Variants in FAM83F observed in about 807,000 individuals in gnomAD.
The protein encoded by FAM83F is scaffolding CK1 anchoring protein F, also known as protein FAM83F.
In FAM83F, 45 loss-of-function variants were observed where a neutral mutation model predicts 42.9. The ratio of observed to expected loss-of-function variants is 1.05; its 90% CI spans 0.83 to 1.35. The LOEUF (loss-of-function observed/expected upper bound fraction) is 1.35. Ranked by LOEUF, FAM83F falls within the 40% of genes most tolerant of loss-of-function variation. The probability of loss-of-function intolerance (pLI) is 0.00; values close to 1 mark genes in which losing one functional copy is unlikely to be tolerated. For synonymous variants in FAM83F, 306 were observed against 298.3 expected (o/e 1.03, Z -0.27); for missense variants, 617 against 695.9 (o/e 0.89, Z 1.28).
intron 1 of FAM83F, among the ~76,000 whole-genome samples, chr22:40,001,925 A>G (rs988151791): frequency 3.3e-5 from 5 of 152,086 alleles, no homozygotes; most frequent in African/African-American, 1.2e-4. Flanking sequence ...TCCACCTTTG[A>G]GCGAGACAGG....
chr22:40,002,871 C>T (rs762018135), intron 1 of FAM83F, among the ~76,000 whole-genome samples: 2 of 152,160 alleles, frequency 1.3e-5, no homozygotes, highest in African/African-American at 2.4e-5. Flanking sequence ...CATTTCGTTT[C>T]GTTAATCCAA....
intron 4 of FAM83F, among the ~76,000 whole-genome samples, chr22:40,024,667 C>T (rs1194136964): frequency 6.6e-6 from 1 of 152,110 alleles, no homozygotes. Context: ...TGAGGGTTTC[C>T]GAGGTCCCCT....
intron 4 of FAM83F, among the ~76,000 whole-genome samples, chr22:40,026,243 C>T (rs963279692): frequency 5.3e-5 from 8 of 152,090 alleles, no homozygotes; most frequent in South Asian, 2.1e-4. Context: ...TGTTTGGGCC[C>T]GGCGTGGTGG....
intron 1 of FAM83F, among the ~76,000 whole-genome samples, chr22:40,009,189 G>C (rs1447662952): frequency 3.3e-5 from 5 of 152,164 alleles, no homozygotes; most frequent in Admixed American, 1.3e-4. Flanking sequence ...GCGCACATGG[G>C]TAGGTAATCA....
At chr22:40,013,955 G>T (rs1214642762) in intron 1 of FAM83F, among the ~76,000 whole-genome samples, 2 of 151,452 alleles carry the variant, frequency 1.3e-5, no homozygotes, top group South Asian at 4.2e-4. Context: ...ATTATTGCTG[G>T]AATAGAAGAA....
intron 1 of FAM83F, among the ~76,000 whole-genome samples, chr22:40,018,579 C>T (rs1218494013): frequency 1.3e-5 from 2 of 151,660 alleles, no homozygotes; most frequent in East Asian, 3.9e-4. Flanking sequence ...GCTGGCATTA[C>T]AGGTGCCTGC....
chr22:40,008,364 TGAGGA>T (rs893176773), intron 1 of FAM83F, among the ~76,000 whole-genome samples: 17 of 152,296 alleles, frequency 1.1e-4, no homozygotes, highest in African/African-American at 4.1e-4. Context: ...GCTCCATCAC[TGAGGA>T]GAGAAGAGGG....
chr22:40,013,082 CAAAAAAAAAAAAA>C (rs754625979), intron 1 of FAM83F, among the ~76,000 whole-genome samples: 6 of 46,394 alleles, frequency 1.3e-4, no homozygotes, highest in East Asian at 7.9e-4. Context: ...GACTCCGTTT[CAAAAAAAAAAAAA>C]AAAAAAAAAA....
At chr22:40,003,613 A>G (rs992897733) in intron 1 of FAM83F, among the ~76,000 whole-genome samples, 1 of 151,658 alleles carries the variant, frequency 6.6e-6, no homozygotes, top group African/African-American at 2.4e-5. Context: ...CCCCACCCCC[A>G]CACACCATGC....
rs1435856959 is a variant in FAM83F at position 39,995,583 on chromosome 22, TGGACCGGGCCC to T, written c.489+53_489+63del. 1.4e-6 allele frequency: 2 copies of T among 1,478,930 alleles called. No homozygotes were observed. Among genetic ancestry groups the T allele is most frequent in the Admixed American group, 4.6e-5 (2 of 43,510 alleles). 91.6% of individuals were successfully genotyped at this position (1,478,930 alleles called of 1,614,324 possible). The stretch of plus-strand genomic sequence containing the variant: ...CGCTGGGACCTCGGCCCCAGTCCCC[TGGACCGGGCCC>T]CACCTCCCAGGCAGGGCCCGGGGCA... On this transcript the variant is annotated intron_variant, in intron 1 of 4. Coordinates refer to ENST00000333407, the MANE Select transcript of FAM83F (RefSeq NM_138435.4). This position sits in a 1 kb window ranked among gnomAD's most constrained non-coding sequence, Gnocchi z 4.6.
intron 1 of FAM83F, among the ~76,000 whole-genome samples, chr22:40,005,357 A>G (rs1375950248): frequency 6.6e-6 from 1 of 152,220 alleles, no homozygotes; most frequent in African/African-American, 2.4e-5. Context: ...GTTTGGCTTT[A>G]AGCTAATGTT....
intron 1 of FAM83F, among the ~76,000 whole-genome samples, chr22:40,010,319 A>G (rs1172894203): frequency 6.6e-6 from 1 of 152,152 alleles, no homozygotes; most frequent in Non-Finnish European, 1.5e-5. Flanking sequence ...GAGACTGGGG[A>G]GCTGGTTCCC....
chr22:39,995,678 G>A lies in FAM83F; in HGVS notation c.489+147G>A. 2 of 1,322,782 alleles carry A rather than the reference G, an allele frequency of 1.5e-6. No individual in the cohort carries two copies. The highest frequency in any genetic ancestry group is 2.0e-6 in the Non-Finnish European group (2 of 996,926). The allele number at this position is 1,322,782 out of a possible 1,614,324, so 81.9% of individuals were successfully genotyped here. A position where few individuals can be genotyped will look rare whatever the true frequency, so the allele number is the denominator to read the frequency against. ...CAACCCGCCCCTACTTCCTGGGGCT[G>A]CAGTGAGGCCTGTAGAGCGAATGGC... is the stretch of plus-strand genomic sequence containing the variant. On this transcript the variant is annotated intron_variant, in intron 1 of 4. Coordinates refer to ENST00000333407, the MANE Select transcript of FAM83F (RefSeq NM_138435.4). The surrounding 1 kb of genome is among the most constrained non-coding windows in gnomAD (Gnocchi z 4.6).
chr22:40,020,684 A>C (rs2067514820), intron 3 of FAM83F, among the ~76,000 whole-genome samples: 1 of 152,160 alleles, frequency 6.6e-6, no homozygotes, highest in South Asian at 2.1e-4. Context: ...ATAATTTAGC[A>C]GGAACACGAG....
At chr22:40,026,553 C>G (rs769147672) in intron 4 of FAM83F, among the ~76,000 whole-genome samples, 2 of 152,040 alleles carry the variant, frequency 1.3e-5, no homozygotes, top group Non-Finnish European at 1.5e-5. Context: ...AAAAACTGTT[C>G]GGAAGAACCA....
rs996938723 is a variant in FAM83F at position 40,033,634 on chromosome 22, G to A, written c.*4069G>A. On this transcript the variant is annotated 3_prime_UTR_variant, in exon 5 of 5. Transcript: ENST00000333407. Reference sequence around the variant, plus strand: ...TCCTTCAGATGAGACCACCAAAAATGTCTCCAGATGTTACCACATGTCCCC... The same window carrying A: ...TCCTTCAGATGAGACCACCAAAAATATCTCCAGATGTTACCACATGTCCCC... 3.9e-5 allele frequency: 6 copies of A among 152,274 alleles called. No homozygotes were observed. The highest frequency in any genetic ancestry group is 1.4e-4 in the African/African-American group (6 of 41,458). 9.4% of individuals were successfully genotyped at this position (152,274 alleles called of 1,614,324 possible). A position where few individuals can be genotyped will look rare whatever the true frequency, so the allele number is the denominator to read the frequency against.
At position 40,014,131 on chromosome 22, in the gene FAM83F, C is replaced by CTTTTTTTTTTTTTT. The variant is rs57224519; in HGVS notation, c.490-5033_490-5020dup. On this transcript the variant is annotated intron_variant, in intron 1 of 4. Transcript: ENST00000333407. ...AATCCTTATGTCTCTTATTTCTTTT[C>CTTTTTTTTTTTTTT]TTTTTTTTTTTTTTTTTGTCTTATT... is the stretch of plus-strand genomic sequence containing the variant. Among the ~76,000 whole-genome samples, 1,142 of 116,772 alleles carry CTTTTTTTTTTTTTT rather than the reference C, an allele frequency of 9.8e-3. 1 individual carries two copies. The highest frequency in any genetic ancestry group is 0.012 in the Non-Finnish European group (680 of 58,904). The allele number at this position is 116,772 out of a possible 152,430, so 76.6% of individuals were successfully genotyped here. A position where few individuals can be genotyped will look rare whatever the true frequency, so the allele number is the denominator to read the frequency against.
chr22:40,019,329 G>C lies in FAM83F; in HGVS notation c.651G>C (p.Arg217=). Residue 217 remains arginine (R), a synonymous_variant, in exon 2 of 5, where the codon CGG becomes CGC. Transcript: ENST00000333407. ...AGGACCTGCAGCTCACTGACTTCCG[G>C]ATTCGGGTAAGTTGCACCACTGGGG... ...MCQDLQLTDF[R]IRNIRVRSVT... is the part of the protein sequence containing the mutation. The C allele has an allele frequency of 6.2e-7, 1 of 1,613,780 alleles. No individual in the cohort carries two copies. Among genetic ancestry groups the C allele is most frequent in the South Asian group, 1.1e-5 (1 of 91,080 alleles).
intron 1 of FAM83F, among the ~76,000 whole-genome samples, chr22:40,017,087 T>C (rs984944352): frequency 2.6e-5 from 4 of 152,194 alleles, no homozygotes; most frequent in Non-Finnish European, 5.9e-5. Flanking sequence ...TGAAGAACTT[T>C]AAATGGTATT....
Sources: allele counts gnomAD v4.1 joint callset (sites outside exome capture counted in the v4.1 genomes callset), GRCh38; gene constraint gnomAD v4.1.1; non-coding constraint Gnocchi (gnomAD v3.1); transcripts MANE v1.5; gene names NCBI Gene and HGNC (gene_info 2026-07-23, HGNC 2026-07-21).